SUMF1: variants seen among roughly 807,000 people sequenced by gnomAD.
SUMF1 encodes the protein formylglycine-generating enzyme.
A neutral mutation model predicts 47.6 loss-of-function variants in SUMF1; 48 were observed. The ratio of observed to expected loss-of-function variants is 1.01; its 90% CI spans 0.80 to 1.28. SUMF1 has a LOEUF of 1.28. Ranked by LOEUF, SUMF1 falls within the 50% of genes most tolerant of loss-of-function variation. The pLI, the probability that SUMF1 is intolerant of heterozygous loss-of-function variation, is 0.00. For synonymous variants in SUMF1, 230 were observed against 192.1 expected (o/e 1.20, Z -1.63); for missense variants, 571 against 485.4 (o/e 1.18, Z -1.66).
intron 8 of SUMF1, among the ~76,000 whole-genome samples, chr3:4,077,599 T>A (rs1692467816): frequency 1.3e-5 from 2 of 152,008 alleles, no homozygotes; most frequent in Admixed American, 6.6e-5. Flanking sequence ...AAGTGGGAGT[T>A]CAACAATGAG....
At chr3:4,296,786 G>A (rs532066677) in intron 8 of SUMF1, among the ~76,000 whole-genome samples, 4 of 151,774 alleles carry the variant, frequency 2.6e-5, no homozygotes, top group Non-Finnish European at 4.4e-5. Context: ...TGATAATAAT[G>A]GTAATAATAA....
chr3:4,402,165 T>C (rs1194405761), intron 7 of SUMF1, among the ~76,000 whole-genome samples: 1 of 152,196 alleles, frequency 6.6e-6, no homozygotes, highest in Non-Finnish European at 1.5e-5. Flanking sequence ...AGGCATTTAC[T>C]TAAGAAACTA....
intron 8 of SUMF1, among the ~76,000 whole-genome samples, chr3:4,236,341 G>C (rs1201736101): frequency 6.6e-6 from 1 of 152,062 alleles, no homozygotes; most frequent in East Asian, 1.9e-4. Context: ...TCAAGGACAA[G>C]AGATATAAGC....
At chr3:4,088,761 G>A (rs566576966) in intron 8 of SUMF1, among the ~76,000 whole-genome samples, 50 of 152,046 alleles carry the variant, frequency 3.3e-4, no homozygotes, top group Admixed American at 2.1e-3. Flanking sequence ...TTACTGAAGA[G>A]AATTTAAGAT....
At position 4,335,960 on chromosome 3, in the gene SUMF1, C is replaced by CAAAAAAAACA. The variant is rs5846319; in HGVS notation, c.1014+40369_1014+40370insTGTTTTTTTT. On this transcript the variant is annotated intron_variant and NMD_transcript_variant, in intron 8 of 12. Coordinates refer to the SUMF1 transcript ENST00000448413. Reference sequence around the variant, plus strand: ...TGGACAACTGAGTGAGATTCCAACTCAAAAAAAAAAAAAAAAAAAACAGAA... The same window carrying CAAAAAAAACA: ...TGGACAACTGAGTGAGATTCCAACTCAAAAAAAACAAAAAAAAAAAAAAAAAAAAACAGAA... 8.1e-4 allele frequency among the ~76,000 whole-genome samples: 60 copies of CAAAAAAAACA among 73,882 alleles called. 1 individual carries two copies. Among genetic ancestry groups the CAAAAAAAACA allele is most frequent in the Admixed American group, 1.8e-3 (11 of 6,014 alleles). The allele number at this position is 73,882 out of a possible 152,430, so 48.5% of individuals were successfully genotyped here.
intron 8 of SUMF1, among the ~76,000 whole-genome samples, chr3:4,341,069 C>G (rs1699262489): frequency 6.6e-6 from 1 of 151,816 alleles, no homozygotes. Context: ...TTGTCAAAAA[C>G]TAATTTAAAG....
In SUMF1 at chr3:4,444,121, A is replaced by T. The variant is rs917008772; in HGVS notation, c.519+5145T>A. On this transcript the variant is annotated intron_variant, in intron 3 of 8. Coordinates refer to ENST00000272902, the MANE Select transcript of SUMF1 (RefSeq NM_182760.4). ...AAGGGAAAAAAATCAGATTACCATCAGGCTTTTCAATAGCAATGCTTTATT... is the reference window on the plus strand; with the variant it reads ...AAGGGAAAAAAATCAGATTACCATCTGGCTTTTCAATAGCAATGCTTTATT... Among the ~76,000 whole-genome samples, 9 of 152,362 alleles carry T rather than the reference A, an allele frequency of 5.9e-5. 1 individual carries two copies. The highest frequency in any genetic ancestry group is 6.5e-5 in the Admixed American group (1 of 15,302).
intron 8 of SUMF1, among the ~76,000 whole-genome samples, chr3:4,278,986 C>T (rs967163324): frequency 6.6e-6 from 1 of 152,086 alleles, no homozygotes; most frequent in Non-Finnish European, 1.5e-5. Flanking sequence ...AGTTTGTATG[C>T]ATTTCTAATT....
chr3:4,248,795 G>C (rs1289499170), intron 8 of SUMF1, among the ~76,000 whole-genome samples: 1 of 152,174 alleles, frequency 6.6e-6, no homozygotes, highest in African/African-American at 2.4e-5. Context: ...ACAAGTATAG[G>C]AAAAGAAAGT....
chr3:4,254,983 T>G (rs1263122135), intron 8 of SUMF1, among the ~76,000 whole-genome samples: 1 of 151,830 alleles, frequency 6.6e-6, no homozygotes, highest in Non-Finnish European at 1.5e-5. Flanking sequence ...GAAAACAATT[T>G]TCAACCCAGA....
chr3:4,048,827 A>G (rs1163992739), intron 9 of SUMF1, among the ~76,000 whole-genome samples: 1 of 152,144 alleles, frequency 6.6e-6, no homozygotes, highest in Non-Finnish European at 1.5e-5. Flanking sequence ...AATTTCTCTG[A>G]GGCAGGTTAC....
At chr3:4,253,613 G>A (rs11918867) in intron 8 of SUMF1, among the ~76,000 whole-genome samples, 3,226 of 151,000 alleles carry the variant, frequency 0.021, 89 homozygotes, top group African/African-American at 0.075. Flanking sequence ...AGGGTCCTAC[G>A]CCCAAGGAAT....
chr3:4,175,152 C>T (rs1694930090), intron 8 of SUMF1, among the ~76,000 whole-genome samples: 1 of 152,154 alleles, frequency 6.6e-6, no homozygotes, highest in East Asian at 1.9e-4. Flanking sequence ...TTTAAACGTC[C>T]CTGTCTGACA....
chr3:4,085,267 G>A (rs771450127), intron 8 of SUMF1, among the ~76,000 whole-genome samples: 3 of 152,098 alleles, frequency 2.0e-5, no homozygotes, highest in Admixed American at 2.0e-4. Flanking sequence ...TGCTTTGGGT[G>A]CTCTGTGAGT....
At chr3:4,216,037 C>T (rs887702633) in intron 8 of SUMF1, among the ~76,000 whole-genome samples, 1 of 152,170 alleles carries the variant, frequency 6.6e-6, no homozygotes, top group African/African-American at 2.4e-5. Flanking sequence ...TTGGAAAAAA[C>T]TACCTTAAAC....
At position 4,155,789 on chromosome 3, in the gene SUMF1, A is replaced by G. The variant is rs138704148; in HGVS notation, c.1015-87044T>C. On this transcript the variant is annotated intron_variant and NMD_transcript_variant, in intron 8 of 12. Coordinates refer to the SUMF1 transcript ENST00000448413. ...TCCCTGAACCTCTTCTTCTTGTAAC[A>G]TCACACCATTTCCAGAGGGGAAATG... Among the ~76,000 whole-genome samples the G allele has an allele frequency of 2.2e-4, 33 of 151,440 alleles. 3 individuals are homozygous for G. The highest frequency in any genetic ancestry group is 7.8e-4 in the African/African-American group (32 of 40,816).
intron 8 of SUMF1, among the ~76,000 whole-genome samples, chr3:4,115,615 G>C (rs919426362): frequency 2.2e-4 from 34 of 152,066 alleles, no homozygotes; most frequent in Admixed American, 2.2e-3. Context: ...AGCCACACCC[G>C]CATCGCACCC....
intron 8 of SUMF1, among the ~76,000 whole-genome samples, chr3:4,299,476 T>C (rs1216020115): frequency 1.3e-5 from 2 of 152,212 alleles, no homozygotes; most frequent in East Asian, 3.8e-4. Flanking sequence ...TCAAGTACCA[T>C]ATTATGGGTA....
intron 2 of SUMF1, among the ~76,000 whole-genome samples, chr3:4,452,569 A>C (rs930637529): frequency 6.6e-6 from 1 of 152,214 alleles, no homozygotes; most frequent in Non-Finnish European, 1.5e-5. Context: ...CATTAACACA[A>C]TATAGCATAA....
Sources: allele counts gnomAD v4.1 joint callset (sites outside exome capture counted in the v4.1 genomes callset), GRCh38; gene constraint gnomAD v4.1.1; transcripts MANE v1.5; gene names NCBI Gene and HGNC (gene_info 2026-07-23, HGNC 2026-07-21).